The following ZNF730 variants were observed in gnomAD, a reference collection of about 807,000 sequenced individuals.
ZNF730 encodes the protein putative zinc finger protein 730.
In ZNF730, 12 loss-of-function variants were observed where a neutral mutation model predicts 12.6. The observed-to-expected ratio is 0.95, with a 90% confidence interval of 0.61 to 1.54. The LOEUF (loss-of-function observed/expected upper bound fraction) is 1.54. ZNF730 is among the 40% of genes most tolerant of loss of function. The pLI is 0.00. For synonymous variants in ZNF730, 194 were observed against 195.8 expected (o/e 0.99, Z 0.08); for missense variants, 643 against 583.5 (o/e 1.10, Z -1.05).
intron 3 of ZNF730, among the ~76,000 whole-genome samples, chr19:23,142,465 C>G (rs1264649008): frequency 1.3e-5 from 2 of 151,406 alleles, no homozygotes; most frequent in African/African-American, 2.4e-5. Flanking sequence ...AGGCAGATCA[C>G]AAGGTCAGGA....
At chr19:23,098,989 C>T (rs1970295982) in intron 1 of ZNF730, among the ~76,000 whole-genome samples, 1 of 152,088 alleles carries the variant, frequency 6.6e-6, no homozygotes. Flanking sequence ...TGTATAAAGC[C>T]CTCAGATGGT....
In ZNF730 at chr19:23,124,636, T is replaced by C. The variant is rs115892172; in HGVS notation, c.3+7460T>C. ...TTATCAGGCTGACAAGAGTGGTTAA[T>C]GCTACTTCTTTCTCAGTGTAAAAGA... On this transcript the variant is annotated intron_variant, in intron 1 of 3. Transcript: ENST00000597761. Among the ~76,000 whole-genome samples the C allele has an allele frequency of 7.4e-3, 1,120 of 152,318 alleles. 8 individuals carry two copies. The highest frequency in any genetic ancestry group is 0.024 in the African/African-American group (1,018 of 41,578).
chr19:23,092,110 T>C (rs537645328), intron 1 of ZNF730, among the ~76,000 whole-genome samples: 1 of 152,176 alleles, frequency 6.6e-6, no homozygotes, highest in Non-Finnish European at 1.5e-5. Context: ...CAAGATCTGA[T>C]GGGCTTATCA....
intron 1 of ZNF730, among the ~76,000 whole-genome samples, chr19:23,094,356 C>CTCTATCTATCTATCTA (rs78556330): frequency 8.1e-5 from 12 of 148,738 alleles, no homozygotes; most frequent in African/African-American, 1.8e-4. Context: ...CCATGCCTGG[C>CTCTATCTATCTATCTA]TCTATCTATC....
chr19:23,131,060 A>G (rs1970737915), intron 1 of ZNF730, among the ~76,000 whole-genome samples: 1 of 152,220 alleles, frequency 6.6e-6, no homozygotes, highest in African/African-American at 2.4e-5. Flanking sequence ...TTTTAAAATT[A>G]TTAAAACCAG....
At chr19:23,094,011 G>A (rs1037212638) in intron 1 of ZNF730, among the ~76,000 whole-genome samples, 15 of 152,132 alleles carry the variant, frequency 9.9e-5, no homozygotes, top group African/African-American at 3.6e-4. Context: ...GCTCTCGCCG[G>A]GGTCAGAACT....
intron 3 of ZNF730, among the ~76,000 whole-genome samples, chr19:23,141,281 G>C (rs1469955836): frequency 1.3e-5 from 2 of 151,204 alleles, no homozygotes; most frequent in Admixed American, 6.6e-5. Context: ...TGTACTCCCA[G>C]CTACTTGGGA....
intron 1 of ZNF730, among the ~76,000 whole-genome samples, chr19:23,104,411 A>G (rs1346546336): frequency 6.6e-6 from 1 of 152,004 alleles, no homozygotes; most frequent in African/African-American, 2.4e-5. Flanking sequence ...AACTAAAGCA[A>G]CCTTTTTGAC....
At chr19:23,086,034 GGGGTTTCACCGTCGTGGCCAGGCTGGTCT>G (rs1259048794) in intron 1 of ZNF730, among the ~76,000 whole-genome samples, 1 of 151,556 alleles carries the variant, frequency 6.6e-6, no homozygotes, top group Non-Finnish European at 1.5e-5. Context: ...TAATAGAGAC[GGGGTTTCACCGTCGTGGCCAGGCTGGTCT>G]GGAATTCCTG....
At position 23,142,009 on chromosome 19, in the gene ZNF730, T is replaced by C; in HGVS notation, c.227-3262T>C. 1.3e-5 allele frequency among the ~76,000 whole-genome samples: 2 copies of C among 152,180 alleles called. 1 individual carries two copies. On this transcript the variant is annotated intron_variant, in intron 3 of 3. Transcript: ENST00000597761. ...TCTGTCGATATTTGCTTTATATGTT[T>C]AGAGCCCTAATGTGAGAGATATATA...
chr19:23,087,900 A>C (rs935854364), intron 1 of ZNF730, among the ~76,000 whole-genome samples: 1 of 152,102 alleles, frequency 6.6e-6, no homozygotes, highest in Non-Finnish European at 1.5e-5. Flanking sequence ...GGTGTGAGCC[A>C]CCACACTCAG....
chr19:23,113,704 A>T (rs1970481331), upstream of ZNF730, among the ~76,000 whole-genome samples: 1 of 152,182 alleles, frequency 6.6e-6, no homozygotes, highest in African/African-American at 2.4e-5. Context: ...GTTTCCCTCT[A>T]CTCAAACCTT....
At chr19:23,089,341 A>T (rs2145479992) in intron 1 of ZNF730, among the ~76,000 whole-genome samples, 1 of 152,016 alleles carries the variant, frequency 6.6e-6, no homozygotes, top group South Asian at 2.1e-4. Flanking sequence ...AGTAGCTGGG[A>T]CTACAGGTGG....
intron 1 of ZNF730, among the ~76,000 whole-genome samples, chr19:23,083,031 A>G (rs1000620160): frequency 2.0e-5 from 3 of 152,164 alleles, no homozygotes; most frequent in Non-Finnish European, 1.5e-5. Flanking sequence ...GTTGCTATAC[A>G]TTTGAATTGA....
At chr19:23,082,409 C>CGT (rs1969980600) in intron 1 of ZNF730, among the ~76,000 whole-genome samples, 1 of 149,028 alleles carries the variant, frequency 6.7e-6, no homozygotes, top group Admixed American at 6.7e-5. Flanking sequence ...TGCAATGGTA[C>CGT]GATCTTGGCT....
upstream of ZNF730, chr19:23,116,926 C>T: frequency 1.1e-5 from 1 of 91,524 alleles, no homozygotes; most frequent in Non-Finnish European, 2.1e-5. Flanking sequence ...CCTGAGGGGG[C>T]GGGGCCTTAA....
chr19:23,127,193 C>G, intron 1 of ZNF730: 2 of 571,990 alleles, frequency 3.5e-6, no homozygotes, highest in East Asian at 4.0e-5. Context: ...TCCTTTACTC[C>G]GGAAATAATT....
chr19:23,085,473 C>T (rs1359691320), intron 1 of ZNF730, among the ~76,000 whole-genome samples: 5 of 133,552 alleles, frequency 3.7e-5, no homozygotes, highest in Non-Finnish European at 7.8e-5. Context: ...GCTGGGATTA[C>T]AGGCATGAGC....
In ZNF730 at chr19:23,124,352, C is replaced by T. The variant is rs184016392; in HGVS notation, c.3+7176C>T. ...GATCAAGGCTACAAAGTATCCAGAGCCATAACCACAACTATACCTACCAGT... is the reference window on the plus strand; with the variant it reads ...GATCAAGGCTACAAAGTATCCAGAGTCATAACCACAACTATACCTACCAGT... On this transcript the variant is annotated intron_variant, in intron 1 of 3. Transcript: ENST00000597761. Among the ~76,000 whole-genome samples the T allele has an allele frequency of 9.7e-3, 1,473 of 152,270 alleles. 11 individuals carry two copies. Among genetic ancestry groups the T allele is most frequent in the Non-Finnish European group, 0.015 (1,029 of 68,022 alleles).
Sources: gnomAD v4.1 joint callset for allele counts (sites outside exome capture counted in the v4.1 genomes callset) on GRCh38, gnomAD v4.1.1 for gene constraint, MANE v1.5 for transcripts, NCBI Gene and HGNC (gene_info 2026-07-23, HGNC 2026-07-21) for gene names.